The following MYT1L variants were observed in gnomAD, a reference collection of about 807,000 sequenced individuals.
MYT1L encodes myelin transcription factor 1 like.
In MYT1L, 12 loss-of-function variants were observed where a neutral mutation model predicts 126.7. The ratio of observed to expected loss-of-function variants is 0.09; its 90% CI spans 0.06 to 0.15. MYT1L has a LOEUF of 0.15. Ranked by LOEUF, MYT1L falls within the 10% of genes least tolerant of loss-of-function variation. The pLI, the probability that MYT1L is intolerant of heterozygous loss-of-function variation, is 1.00. For synonymous variants in MYT1L, 541 were observed against 604.2 expected (o/e 0.90, Z 1.53); for missense variants, 979 against 1,585.2 (o/e 0.62, Z 6.49).
rs137923990 is a variant in MYT1L at position 2,312,204 on chromosome 2, C to T, written c.-521+18763G>A. On this transcript the variant is annotated intron_variant, in intron 1 of 24. Coordinates refer to ENST00000647738, the MANE Select transcript of MYT1L (RefSeq NM_001303052.2). ...TGTTCCGCTTATGTTTGGTACCAGA[C>T]TGTTCACCTCCCTTCCCAGTGTCTC... Among the ~76,000 whole-genome samples the T allele has an allele frequency of 8.6e-3, 1,308 of 152,346 alleles. 5 individuals carry two copies. The highest frequency in any genetic ancestry group is 0.013 in the Non-Finnish European group (882 of 68,042).
chr2:1,996,680 G>A (rs1379169037), intron 5 of MYT1L, among the ~76,000 whole-genome samples: 31 of 134,938 alleles, frequency 2.3e-4, no homozygotes, highest in Non-Finnish European at 2.8e-4. Flanking sequence ...TTCAGTGTGG[G>A]CTGCACAGAA....
At chr2:2,182,023 C>A (rs531961653) in intron 2 of MYT1L, among the ~76,000 whole-genome samples, 79 of 152,312 alleles carry the variant, frequency 5.2e-4, no homozygotes, top group Admixed American at 3.5e-3. Flanking sequence ...AGTCACCTCC[C>A]AACTCCCATA....
chr2:1,886,229 G>C (rs1250447263), intron 18 of MYT1L: 1 of 265,430 alleles, frequency 3.8e-6, no homozygotes, highest in Non-Finnish European at 7.0e-6. Flanking sequence ...CTAAAAATTT[G>C]AGTAACTGTA....
At chr2:2,055,551 A>C (rs1205685829) in intron 3 of MYT1L, among the ~76,000 whole-genome samples, 1 of 152,234 alleles carries the variant, frequency 6.6e-6, no homozygotes, top group Admixed American at 6.5e-5. Context: ...AAATTGACTA[A>C]GAAAGGTTGG....
intron 1 of MYT1L, among the ~76,000 whole-genome samples, chr2:2,309,335 C>G (rs1356083415): frequency 6.6e-6 from 1 of 151,758 alleles, no homozygotes; most frequent in Admixed American, 6.6e-5. Flanking sequence ...TATACTCTAT[C>G]TACACTTCAG....
intron 2 of MYT1L, among the ~76,000 whole-genome samples, chr2:2,247,845 A>G (rs994731616): frequency 4.6e-5 from 7 of 152,150 alleles, no homozygotes; most frequent in African/African-American, 1.7e-4. Flanking sequence ...ACAAATGATA[A>G]TGGAAACACA....
At position 1,971,443 on chromosome 2, in the gene MYT1L, G is replaced by T. The variant is rs867244378; in HGVS notation, c.152+7722C>A. Among the ~76,000 whole-genome samples the T allele has an allele frequency of 3.3e-5, 5 of 152,252 alleles. 1 individual carries two copies. The Middle Eastern group carries it at 0.017, about 518-fold the overall frequency. On this transcript the variant is annotated intron_variant, in intron 8 of 24. Transcript: ENST00000647738. ...CTGCAACCACCACCCAAAAGAGAAG[G>T]CTTTGGGCCGGGCACAGTGGCTCAT...
At chr2:1,796,657 G>C (rs2033576501) in intron 23 of MYT1L, among the ~76,000 whole-genome samples, 1 of 151,948 alleles carries the variant, frequency 6.6e-6, no homozygotes, top group South Asian at 2.1e-4. Context: ...AATGCCTGCT[G>C]TTTGGGCCAC....
chr2:1,810,615 A>T (rs1432413613), intron 21 of MYT1L, among the ~76,000 whole-genome samples: 1 of 152,140 alleles, frequency 6.6e-6, no homozygotes, highest in East Asian at 1.9e-4. Context: ...CATTATTAGA[A>T]ATATCTCTAA....
At chr2:2,299,209 T>A (rs1045646297) in intron 1 of MYT1L, among the ~76,000 whole-genome samples, 1 of 152,182 alleles carries the variant, frequency 6.6e-6, no homozygotes, top group African/African-American at 2.4e-5. Context: ...AGGCTTGGGT[T>A]CCTCTCCAGG....
intron 10 of MYT1L, among the ~76,000 whole-genome samples, chr2:1,920,114 G>C (rs941958925): frequency 1.3e-5 from 2 of 152,196 alleles, no homozygotes; most frequent in Middle Eastern, 3.2e-3. Flanking sequence ...GCTTTGGTCA[G>C]AGCAGGAAGA....
intron 14 of MYT1L, among the ~76,000 whole-genome samples, chr2:1,894,336 G>A (rs915096325): frequency 6.6e-6 from 1 of 152,192 alleles, no homozygotes; most frequent in East Asian, 1.9e-4. Context: ...CCGTGGGGCT[G>A]CAAAGGAGTC....
intron 8 of MYT1L, among the ~76,000 whole-genome samples, chr2:1,978,097 T>C (rs898802213): frequency 1.3e-5 from 2 of 152,186 alleles, no homozygotes; most frequent in Non-Finnish European, 2.9e-5. Flanking sequence ...AATGCTAGAA[T>C]GGGGATTTGG....
intron 3 of MYT1L, among the ~76,000 whole-genome samples, chr2:2,093,045 G>A (rs2077053625): frequency 6.6e-6 from 1 of 152,104 alleles, no homozygotes; most frequent in Non-Finnish European, 1.5e-5. Context: ...CAAATTCACA[G>A]ACATAAAATC....
intron 18 of MYT1L, among the ~76,000 whole-genome samples, chr2:1,865,747 G>A (rs1477432183): frequency 1.3e-5 from 2 of 152,146 alleles, no homozygotes; most frequent in Non-Finnish European, 2.9e-5. Flanking sequence ...GGGGTAAGAA[G>A]AGCCAGCACT....
intron 8 of MYT1L, among the ~76,000 whole-genome samples, chr2:1,968,804 C>T (rs1414704081): frequency 1.3e-5 from 2 of 152,194 alleles, no homozygotes; most frequent in Non-Finnish European, 2.9e-5. Flanking sequence ...AGCCAGGCGG[C>T]CACAGTGCCT....
chr2:2,296,448 A>C (rs183694093), intron 1 of MYT1L, among the ~76,000 whole-genome samples: 2 of 152,356 alleles, frequency 1.3e-5, no homozygotes, highest in Admixed American at 1.3e-4. Flanking sequence ...AAGAAATTAA[A>C]AAATATAAAC....
intron 3 of MYT1L, among the ~76,000 whole-genome samples, chr2:2,089,343 A>C (rs970538517): frequency 3.9e-5 from 6 of 152,216 alleles, no homozygotes; most frequent in African/African-American, 1.4e-4. Flanking sequence ...AGTGTTTGCT[A>C]TTGTACCGAA....
chr2:1,837,027 T>G (rs2040998331), intron 21 of MYT1L, among the ~76,000 whole-genome samples: 1 of 152,128 alleles, frequency 6.6e-6, no homozygotes, highest in Non-Finnish European at 1.5e-5. Flanking sequence ...GCCTGGCATT[T>G]GGGAAGGGGC....
Sources: allele counts gnomAD v4.1 joint callset (sites outside exome capture counted in the v4.1 genomes callset), GRCh38; gene constraint gnomAD v4.1.1; transcripts MANE v1.5; gene names NCBI Gene and HGNC (gene_info 2026-07-23, HGNC 2026-07-21).